The following PTDSS2 variants were observed in gnomAD, a reference collection of about 807,000 sequenced individuals.
PTDSS2 encodes the protein PSS-2.
A neutral mutation model predicts 64.7 loss-of-function variants in PTDSS2; 41 were observed. The observed-to-expected ratio is 0.63, with a 90% CI of 0.49 to 0.82. PTDSS2 has a LOEUF of 0.82. PTDSS2 is among the 40% of genes least tolerant of loss of function. PTDSS2 has a pLI of 0.00. For missense variants in PTDSS2, 485 were observed against 650.0 expected (o/e 0.75, Z 2.76); for synonymous variants, 297 against 277.8 (o/e 1.07, Z -0.69).
intron 6 of PTDSS2, 64 bp downstream of exon 6, chr11:487,534 C>A: frequency 6.8e-7 from 1 of 1,463,412 alleles, no homozygotes; most frequent in Non-Finnish European, 9.6e-7. Flanking sequence ...GGCTCTGGAC[C>A]GTTTCTGTCC....
chr11:469,301 G>A, intron 2 of PTDSS2, among the ~76,000 whole-genome samples: 1 of 106,584 alleles, frequency 9.4e-6, no homozygotes, highest in African/African-American at 4.0e-5. Flanking sequence ...GAGGAGGGGA[G>A]TCTCTGGGTA....
chr11:466,674 G>T (rs1847157212), intron 2 of PTDSS2, among the ~76,000 whole-genome samples: 1 of 152,090 alleles, frequency 6.6e-6, no homozygotes, highest in African/African-American at 2.4e-5. Context: ...CTCCCAAAGT[G>T]CTGAGATTAC....
chr11:475,390 C>T (rs950516157), intron 3 of PTDSS2, among the ~76,000 whole-genome samples: 6 of 150,750 alleles, frequency 4.0e-5, no homozygotes, highest in African/African-American at 1.2e-4. Context: ...GACATATTCA[C>T]GCGTTTGTGA....
rs550756629 is a variant in PTDSS2, at chr11:491,092, C to T, written c.*510C>T. On this transcript the variant is annotated 3_prime_UTR_variant, in exon 12 of 12. Coordinates refer to ENST00000308020, the MANE Select transcript of PTDSS2 (RefSeq NM_030783.3). ...GTGCGCTGAGGCCTGGAGGCGTCTACACTGGCTCCACATCCACTTCCCCCG... is the reference window on the plus strand; with the variant it reads ...GTGCGCTGAGGCCTGGAGGCGTCTATACTGGCTCCACATCCACTTCCCCCG... 6 of 158,500 alleles carry T rather than the reference C, an allele frequency of 3.8e-5. No individual in the cohort carries two copies. Among genetic ancestry groups the T allele is most frequent in the Admixed American group, 3.6e-4 (6 of 16,830 alleles). The allele number at this position is 158,500 out of a possible 1,614,324, so 9.8% of individuals were successfully genotyped here. A position where few individuals can be genotyped will look rare whatever the true frequency, so the allele number is the denominator to read the frequency against.
At chr11:483,448 GT>G (rs1459505395) in intron 4 of PTDSS2, among the ~76,000 whole-genome samples, 1 of 152,222 alleles carries the variant, frequency 6.6e-6, no homozygotes, top group Non-Finnish European at 1.5e-5. Context: ...GGTTCTGTGA[GT>G]TTTTCGTAGA....
In PTDSS2 at chr11:479,080, T is replaced by G. The variant is rs1417419656; in HGVS notation, c.368-5T>G. The G allele has an allele frequency of 1.2e-6, 2 of 1,613,822 alleles. No individual in the cohort carries two copies. Among genetic ancestry groups the G allele is most frequent in the Non-Finnish European group, 1.7e-6 (2 of 1,179,782 alleles). On this transcript the variant is annotated splice_region_variant and splice_polypyrimidine_tract_variant and intron_variant, in intron 3 of 11. Coordinates refer to ENST00000308020, the MANE Select transcript of PTDSS2 (RefSeq NM_030783.3). The surrounding 1 kb of genome is among the most constrained non-coding windows in gnomAD (Gnocchi z 4.2). Reference sequence around the variant, plus strand: ...GCACTAACGTTCTGTCGTCTGTCTTTGTAGCTTACTGGAGGTTTTGGCTCT... The same window carrying G: ...GCACTAACGTTCTGTCGTCTGTCTTGGTAGCTTACTGGAGGTTTTGGCTCT...
intron 4 of PTDSS2, among the ~76,000 whole-genome samples, chr11:481,178 G>A (rs752542571): frequency 3.9e-5 from 6 of 152,026 alleles, no homozygotes; most frequent in Non-Finnish European, 7.4e-5. Context: ...CCTCTTTCTC[G>A]GCAGTGACAG....
Position 460,085 on chromosome 11 carries a change from A to C in PTDSS2, c.183-102A>C. On this transcript the variant is annotated intron_variant, in intron 1 of 11. Coordinates refer to ENST00000308020, the MANE Select transcript of PTDSS2 (RefSeq NM_030783.3). The surrounding 1 kb of genome is among the most constrained non-coding windows in gnomAD (Gnocchi z 5.8). ...GGTTGGGAGTTGGAGAGTGGAGTTT[A>C]AGCCCTCTCCTTGACGTAGAGAGGA... is the stretch of plus-strand genomic sequence containing the variant. 1 of 880,374 alleles carries C rather than the reference A, an allele frequency of 1.1e-6. No homozygotes were observed. The highest frequency in any genetic ancestry group is 2.7e-5 in the East Asian group (1 of 37,598). 54.5% of individuals were successfully genotyped at this position (880,374 alleles called of 1,614,324 possible).
At chr11:471,318 C>T (rs1401919640) in intron 2 of PTDSS2, among the ~76,000 whole-genome samples, 1 of 152,172 alleles carries the variant, frequency 6.6e-6, no homozygotes, top group Non-Finnish European at 1.5e-5. Context: ...TGGTCTCGAA[C>T]TCCTGACCTT....
chr11:479,548 T>C lies in PTDSS2; in HGVS notation c.435+396T>C, dbSNP rs1363511140. The C allele has an allele frequency of 1.5e-5, 4 of 271,748 alleles. No individual in the cohort carries two copies. Among genetic ancestry groups the C allele is most frequent in the Admixed American group, 4.9e-5 (1 of 20,300 alleles). The allele number at this position is 271,748 out of a possible 1,614,324, so 16.8% of individuals were successfully genotyped here. On this transcript the variant is annotated intron_variant, in intron 4 of 11. Transcript: ENST00000308020. This position sits in a 1 kb window ranked among gnomAD's most constrained non-coding sequence, Gnocchi z 4.2. ...GTCGTATCTGAGTGCTGGTGGGGAC[T>C]GGGCGTGAAGGGAGCCGCAAGTCAG...
Position 490,085 on chromosome 11 carries a change from C to T in PTDSS2, c.1301+17C>T, listed in dbSNP as rs201582414. 2.5e-5 allele frequency: 39 copies of T among 1,590,256 alleles called. No homozygotes were observed. The African/African-American group carries it at 2.9e-4, about 12-fold the overall frequency. On this transcript the variant is annotated intron_variant, in intron 11 of 11. Transcript: ENST00000308020. ...CTTCCTGCGGTGAGTCAGGGCAGGG[C>T]GCGTATGTTCTGAAGGAGGGCCGCT...
At chr11:472,500 G>A (rs779448149) in intron 2 of PTDSS2, among the ~76,000 whole-genome samples, 14 of 152,194 alleles carry the variant, frequency 9.2e-5, no homozygotes, top group East Asian at 5.8e-4. Flanking sequence ...CTCAGGTTTC[G>A]CCTGGGTGGG....
rs188530150 is a variant in PTDSS2, at chr11:491,345, C to G, written c.*763C>G. On this transcript the variant is annotated 3_prime_UTR_variant, in exon 12 of 12. Transcript: ENST00000308020. ...CCAAGGTGAGGGTCATCTTCACGAG[C>G]AAAGAGAACCAATAAAGTGACAACG... 2 of 152,540 alleles carry G rather than the reference C, an allele frequency of 1.3e-5. No homozygotes were observed. The highest frequency in any genetic ancestry group is 3.9e-4 in the East Asian group (2 of 5,186). The allele number at this position is 152,540 out of a possible 1,614,324, so 9.4% of individuals were successfully genotyped here.
intron 1 of PTDSS2, 99 bp downstream of exon 1, chr11:450,736 C>T (rs1846277264): frequency 1.9e-6 from 2 of 1,063,400 alleles, no homozygotes; most frequent in East Asian, 3.3e-5. Flanking sequence ...CTCTCGCCGT[C>T]TTGGAGTCCA....
upstream of PTDSS2, among the ~76,000 whole-genome samples, chr11:449,654 A>G (rs1272097472): frequency 6.6e-6 from 1 of 152,170 alleles, no homozygotes; most frequent in Non-Finnish European, 1.5e-5. Flanking sequence ...CCTGCGAAAG[A>G]ATGACCCAGA....
chr11:484,326 A>C (rs1032640279), intron 4 of PTDSS2, among the ~76,000 whole-genome samples: 1 of 151,674 alleles, frequency 6.6e-6, no homozygotes, highest in Admixed American at 6.6e-5. Context: ...CCTCCTGTCC[A>C]CTCCCCACCC....
intron 1 of PTDSS2, chr11:451,527 G>A (rs1846328414): frequency 3.1e-6 from 1 of 321,028 alleles, no homozygotes; most frequent in South Asian, 2.2e-5. Context: ...AGGCCCGGGG[G>A]CACAGGGGCA....
chr11:479,502 A>G lies in PTDSS2; in HGVS notation c.435+350A>G. 1 of 352,374 alleles carries G rather than the reference A, an allele frequency of 2.8e-6. No individual in the cohort carries two copies. Among genetic ancestry groups the G allele is most frequent in the Non-Finnish European group, 5.3e-6 (1 of 189,638 alleles). 21.8% of individuals were successfully genotyped at this position (352,374 alleles called of 1,614,324 possible). On this transcript the variant is annotated intron_variant, in intron 4 of 11. Coordinates refer to ENST00000308020, the MANE Select transcript of PTDSS2 (RefSeq NM_030783.3). This position sits in a 1 kb window ranked among gnomAD's most constrained non-coding sequence, Gnocchi z 4.2. ...GGGCAGGGCCAGTGGTGCAGCTGCC[A>G]GGGTGGCTTTGCCCACAGCTGTCGT...
rs1231249074 is a variant in PTDSS2 at position 476,793 on chromosome 11, T to G, written c.368-2292T>G. On this transcript the variant is annotated intron_variant, in intron 3 of 11. Transcript: ENST00000308020. The surrounding 1 kb of genome is among the most constrained non-coding windows in gnomAD (Gnocchi z 4.9). The stretch of plus-strand genomic sequence containing the variant: ...ACTGGGGGTTCCTGGGGTGTTCAGT[T>G]TTTAGTCTGAGCTCTGCTCTACCTT... Among the ~76,000 whole-genome samples, 6 of 152,122 alleles carry G rather than the reference T, an allele frequency of 3.9e-5. No homozygotes were observed. Among genetic ancestry groups the G allele is most frequent in the Non-Finnish European group, 8.8e-5 (6 of 68,002 alleles).
Sources: allele counts gnomAD v4.1 joint callset (sites outside exome capture counted in the v4.1 genomes callset), GRCh38; gene constraint gnomAD v4.1.1; non-coding constraint Gnocchi (gnomAD v3.1); transcripts MANE v1.5; gene names NCBI Gene and HGNC (gene_info 2026-07-23, HGNC 2026-07-21).